MBP: variants seen among roughly 807,000 people sequenced by gnomAD.
MBP encodes the protein myelin basic protein.
MBP carries 16 observed loss-of-function variants against 35.8 expected under a neutral mutation model. That is an observed-to-expected ratio of 0.45 (90% CI 0.30 to 0.68). The LOEUF (loss-of-function observed/expected upper bound fraction) is 0.68. Among genes scored for constraint, MBP ranks in the 30% least tolerant of loss-of-function variants. The pLI is 0.08. For synonymous variants in MBP, 143 were observed against 159.6 expected (o/e 0.90, Z 0.78); for missense variants, 380 against 404.7 (o/e 0.94, Z 0.52).
intron 3 of MBP, among the ~76,000 whole-genome samples, chr18:77,041,752 G>T (rs1599126858): frequency 7.3e-6 from 1 of 136,964 alleles, no homozygotes; most frequent in East Asian, 2.2e-4. Context: ...CACAGGAAGG[G>T]GAACATCACA....
chr18:76,988,868 AG>A lies in MBP; in HGVS notation c.717+8del, dbSNP rs758921592. 1 of 1,612,248 alleles carries A rather than the reference AG, an allele frequency of 6.2e-7. No individual in the cohort carries two copies. The highest frequency in any genetic ancestry group is 1.1e-5 in the South Asian group (1 of 90,928). ...AGTGATGATCAATCAAAACATTCCAAGGTCTTACCTTTCCCTGCGACGGGGG... is the reference window on the plus strand; with the variant it reads ...AGTGATGATCAATCAAAACATTCCAAGTCTTACCTTTCCCTGCGACGGGGG... On this transcript the variant is annotated splice_region_variant and intron_variant, in intron 6 of 8. Coordinates refer to ENST00000355994, the MANE Select transcript of MBP (RefSeq NM_001025101.2). This position sits in a 1 kb window ranked among gnomAD's most constrained non-coding sequence, Gnocchi z 5.2.
intron 3 of MBP, among the ~76,000 whole-genome samples, chr18:77,065,452 G>A (rs1040423438): frequency 2.0e-5 from 3 of 152,122 alleles, no homozygotes; most frequent in Non-Finnish European, 2.9e-5. Context: ...AGAAATTTAG[G>A]GGGTTAAGCT....
chr18:76,998,542 C>A (rs1433362293), intron 4 of MBP, among the ~76,000 whole-genome samples: 1 of 152,156 alleles, frequency 6.6e-6, no homozygotes, highest in Non-Finnish European at 1.5e-5. Flanking sequence ...TCGGGTGACT[C>A]GCAGAAGAGA....
At chr18:76,993,508 C>T (rs1382907117) in intron 4 of MBP, among the ~76,000 whole-genome samples, 1 of 150,768 alleles carries the variant, frequency 6.6e-6, no homozygotes, top group Non-Finnish European at 1.5e-5. Context: ...TGAGATTGCA[C>T]CACTGCACTT....
Position 76,980,089 on chromosome 18 carries a change from A to G in MBP, c.*338T>C. ...GCAAGGGTGCCGCAGCCACGGCGAAAAGAAAGTCCAAGGGTGGAGGGGTGA... is the reference window on the plus strand; with the variant it reads ...GCAAGGGTGCCGCAGCCACGGCGAAGAGAAAGTCCAAGGGTGGAGGGGTGA... On this transcript the variant is annotated 3_prime_UTR_variant, in exon 9 of 9. Transcript: ENST00000355994. 1 of 697,402 alleles carries G rather than the reference A, an allele frequency of 1.4e-6. No individual in the cohort carries two copies. Among genetic ancestry groups the G allele is most frequent in the Non-Finnish European group, 2.6e-6 (1 of 383,614 alleles). 43.2% of individuals were successfully genotyped at this position (697,402 alleles called of 1,614,324 possible). A position where few individuals can be genotyped will look rare whatever the true frequency, so the allele number is the denominator to read the frequency against.
chr18:77,051,991 A>T (rs959474335), intron 3 of MBP, among the ~76,000 whole-genome samples: 1 of 152,160 alleles, frequency 6.6e-6, no homozygotes, highest in Non-Finnish European at 1.5e-5. Flanking sequence ...ACAAGTGGGA[A>T]AAAAGGCATC....
rs56770189 is a variant in MBP at position 77,128,521 on chromosome 18, CCACACA to C, written c.-26+4053_-26+4058del. Among the ~76,000 whole-genome samples the C allele has an allele frequency of 5.4e-5, 8 of 147,734 alleles. No individual in the cohort carries two copies. The East Asian group carries it at 6.0e-4, about 11-fold the overall frequency. ...ACAGAGAACTAAGCGCACGTGCATACCACACACACACACACACACACACACACACAG... is the reference window on the plus strand; with the variant it reads ...ACAGAGAACTAAGCGCACGTGCATACCACACACACACACACACACACACAG... On this transcript the variant is annotated intron_variant, in intron 1 of 8. Coordinates refer to ENST00000355994, the MANE Select transcript of MBP (RefSeq NM_001025101.2).
chr18:77,034,646 C>T (rs1241522500), intron 3 of MBP, among the ~76,000 whole-genome samples: 1 of 152,200 alleles, frequency 6.6e-6, no homozygotes, highest in Non-Finnish European at 1.5e-5. Context: ...AGAACAGTCC[C>T]TGCCCTCATT....
intron 3 of MBP, among the ~76,000 whole-genome samples, chr18:77,049,720 G>A (rs760289987): frequency 3.3e-5 from 5 of 151,714 alleles, no homozygotes; most frequent in Non-Finnish European, 5.9e-5. Context: ...TCGCTCTGTG[G>A]CCCAGGATGG....
At chr18:77,030,399 G>GGGAAGGGACA (rs1241869956) in intron 3 of MBP, among the ~76,000 whole-genome samples, 1 of 152,126 alleles carries the variant, frequency 6.6e-6, no homozygotes, top group Non-Finnish European at 1.5e-5. Flanking sequence ...ACACAGGGAC[G>GGGAAGGGACA]GGAAGGGACA....
At chr18:77,083,287 G>A (rs1273883506) in intron 2 of MBP, among the ~76,000 whole-genome samples, 1 of 152,134 alleles carries the variant, frequency 6.6e-6, no homozygotes, top group East Asian at 1.9e-4. Flanking sequence ...ATTTGAATGG[G>A]TTTATGAGTA....
At chr18:76,984,651 C>G (rs1969430264) in intron 8 of MBP, 124 bp downstream of exon 8, 1 of 1,370,288 alleles carries the variant, frequency 7.3e-7, no homozygotes, top group African/African-American at 1.4e-5. Flanking sequence ...CCTGCTGGGA[C>G]AGAGCACGTC....
intron 1 of MBP, among the ~76,000 whole-genome samples, chr18:77,124,419 C>A (rs1976979680): frequency 6.6e-6 from 1 of 152,182 alleles, no homozygotes. Flanking sequence ...TAGAATAACT[C>A]TTCTGGCCAC....
At chr18:77,008,471 A>C (rs1295887112) in intron 4 of MBP, among the ~76,000 whole-genome samples, 1 of 152,132 alleles carries the variant, frequency 6.6e-6, no homozygotes, top group Non-Finnish European at 1.5e-5. Flanking sequence ...ATTCAAGTTA[A>C]ACACAGACTC....
At chr18:77,104,663 A>C (rs1390493844) in intron 2 of MBP, among the ~76,000 whole-genome samples, 1 of 152,238 alleles carries the variant, frequency 6.6e-6, no homozygotes, top group African/African-American at 2.4e-5. Flanking sequence ...GTAAATTTTC[A>C]TGCTCTATCA....
chr18:76,998,572 C>T (rs1209643012), intron 4 of MBP, among the ~76,000 whole-genome samples: 1 of 152,218 alleles, frequency 6.6e-6, no homozygotes, highest in Non-Finnish European at 1.5e-5. Context: ...GCCCCACCCT[C>T]CTTTCCCCAA....
rs1971961298 is a variant in MBP at position 77,020,904 on chromosome 18, C to G, written c.140-3636G>C. On this transcript the variant is annotated intron_variant, in intron 3 of 8. Transcript: ENST00000355994. This position sits in a 1 kb window ranked among gnomAD's most constrained non-coding sequence, Gnocchi z 4.1. ...GTGTGAACTCTTTTCTGCACAATTA[C>G]TAAGAGGCAGGAAAGTCATAAAGAC... is the stretch of plus-strand genomic sequence containing the variant. 6.6e-6 allele frequency among the ~76,000 whole-genome samples: 1 copy of G among 152,206 alleles called. No homozygotes were observed. Among genetic ancestry groups the G allele is most frequent in the African/African-American group, 2.4e-5 (1 of 41,456 alleles).
At position 76,988,190 on chromosome 18, in the gene MBP, G is replaced by A. The variant is rs1969669881; in HGVS notation, c.750+305C>T. ...AGTTAAACATTTTCTCGGACGTGGT[G>A]TTGCTCCCTCCCTGGGAGGGAGACC... On this transcript the variant is annotated intron_variant, in intron 7 of 8. Transcript: ENST00000355994. This position sits in a 1 kb window ranked among gnomAD's most constrained non-coding sequence, Gnocchi z 5.2. 3 of 1,545,600 alleles carry A rather than the reference G, an allele frequency of 1.9e-6. No individual in the cohort carries two copies. Among genetic ancestry groups the A allele is most frequent in the East Asian group, 2.4e-5 (1 of 40,900 alleles).
At chr18:77,082,869 G>GAAGGACGAGGAA (rs1568330809) in intron 2 of MBP, among the ~76,000 whole-genome samples, 1 of 152,202 alleles carries the variant, frequency 6.6e-6, no homozygotes, top group African/African-American at 2.4e-5. Flanking sequence ...ATGTGGTTCA[G>GAAGGACGAGGAA]TGCCAGGATC....
Sources: allele counts gnomAD v4.1 joint callset (sites outside exome capture counted in the v4.1 genomes callset), GRCh38; gene constraint gnomAD v4.1.1; non-coding constraint Gnocchi (gnomAD v3.1); transcripts MANE v1.5; gene names NCBI Gene and HGNC (gene_info 2026-07-23, HGNC 2026-07-21).